The following APMAP variants were observed in gnomAD, a reference collection of about 807,000 sequenced individuals.
APMAP encodes adipocyte plasma membrane associated protein.
Under a neutral mutation model 43.6 loss-of-function variants are expected in APMAP, and 33 were observed. That is an observed-to-expected ratio of 0.76 (90% CI 0.57 to 1.01). APMAP has a LOEUF of 1.01. Ranked by LOEUF, APMAP falls within the 50% of genes least tolerant of loss-of-function variation. APMAP has a pLI of 0.00. For synonymous variants in APMAP, 224 were observed against 216.7 expected, an observed-to-expected ratio of 1.03 and a Z score of -0.30; for missense variants, 498 against 540.7, an observed-to-expected ratio of 0.92 and a Z score of 0.78.
At chr20:24,973,926 C>A (rs73114348) in intron 3 of APMAP, among the ~76,000 whole-genome samples, 189 bp from the exon 4 acceptor site, 1 of 152,122 alleles carries the variant, frequency 6.6e-6, no homozygotes, top group South Asian at 2.1e-4. Context: ...GATAAAACTG[C>A]GGGGGCCTAG....
Position 24,966,562 on chromosome 20 carries a change from G to C in APMAP, c.1041+2330C>G, listed in dbSNP as rs113648024. ...CGCCACTGCTGCCAACGATGCGAGAGCAGAATCTAAATATGAAAAACAAAC... is the reference window on the plus strand; with the variant it reads ...CGCCACTGCTGCCAACGATGCGAGACCAGAATCTAAATATGAAAAACAAAC... On this transcript the variant is annotated intron_variant, in intron 8 of 8. Coordinates refer to ENST00000217456, the MANE Select transcript of APMAP (RefSeq NM_020531.3). Among the ~76,000 whole-genome samples, 932 of 152,322 alleles carry C rather than the reference G, an allele frequency of 6.1e-3. 15 individuals carry two copies. The highest frequency in any genetic ancestry group is 0.022 in the African/African-American group (906 of 41,554).
At chr20:24,979,957 A>G (rs2088087221) in intron 2 of APMAP, among the ~76,000 whole-genome samples, 1 of 151,710 alleles carries the variant, frequency 6.6e-6, no homozygotes, top group Non-Finnish European at 1.5e-5. Flanking sequence ...CACTCTGACC[A>G]CCCAACTAAA....
intron 1 of APMAP, among the ~76,000 whole-genome samples, chr20:24,987,028 G>A (rs1339308644): frequency 6.6e-6 from 1 of 152,200 alleles, no homozygotes. Flanking sequence ...GTGTTTTCTA[G>A]GCCCATCTAA....
At chr20:24,967,348 C>T (rs1158421016) in intron 8 of APMAP, among the ~76,000 whole-genome samples, 2 of 152,182 alleles carry the variant, frequency 1.3e-5, no homozygotes, top group East Asian at 3.9e-4. Flanking sequence ...TTGAATAAAA[C>T]TGAACCTTCT....
Position 24,982,709 on chromosome 20 carries a change from C to G in APMAP, c.212+1194G>C, listed in dbSNP as rs574974640. On this transcript the variant is annotated intron_variant, in intron 2 of 8. Transcript: ENST00000217456. ...CAGCTGTGGACACAGTTCACTCCCC[C>G]ACCTTAGCCAACTGGACTATCTAAG... Among the ~76,000 whole-genome samples, 10 of 152,320 alleles carry G rather than the reference C, an allele frequency of 6.6e-5. No homozygotes were observed. In the East Asian group the frequency reaches 1.4e-3, roughly 21 times the overall value.
At chr20:24,974,796 T>G (rs2088036701) in intron 3 of APMAP, among the ~76,000 whole-genome samples, 1 of 152,106 alleles carries the variant, frequency 6.6e-6, no homozygotes, top group Admixed American at 6.5e-5. Context: ...CAAAAAAACA[T>G]AAGAACCTTT....
At chr20:24,989,791 T>C (rs2088176710) in intron 1 of APMAP, among the ~76,000 whole-genome samples, 1 of 152,208 alleles carries the variant, frequency 6.6e-6, no homozygotes, top group Non-Finnish European at 1.5e-5. Flanking sequence ...GGGGCAAAGC[T>C]GAGACAAACA....
chr20:24,981,624 A>C (rs886523634), intron 2 of APMAP, among the ~76,000 whole-genome samples: 7 of 152,208 alleles, frequency 4.6e-5, no homozygotes, highest in Admixed American at 1.3e-4. Context: ...ATTTTTTAAT[A>C]TCTCTCAGTT....
intron 3 of APMAP, among the ~76,000 whole-genome samples, chr20:24,975,131 G>GCCC (rs1306988404): frequency 4.6e-5 from 7 of 152,086 alleles, no homozygotes; most frequent in African/African-American, 1.7e-4. Flanking sequence ...AGGCAAAGAT[G>GCCC]CCCCTATCAC....
At chr20:24,989,849 C>A (rs2088177222) in intron 1 of APMAP, among the ~76,000 whole-genome samples, 1 of 152,318 alleles carries the variant, frequency 6.6e-6, no homozygotes, top group East Asian at 1.9e-4. Flanking sequence ...CAATCTGTTT[C>A]TCCATACTTC....
In APMAP at chr20:24,983,949, C is replaced by T. The variant is rs1253483613; in HGVS notation, c.166G>A (p.Gly56Arg). 1.9e-6 allele frequency: 3 copies of T among 1,614,018 alleles called. No individual in the cohort carries two copies. The highest frequency in any genetic ancestry group is 1.1e-5 in the South Asian group (1 of 91,070). ...GGAGATTCCAGCAGCATCATGGCTCCAAGCAGGGGAACGGTGAGAGAAACA... is the reference window on the plus strand; with the variant it reads ...GGAGATTCCAGCAGCATCATGGCTCTAAGCAGGGGAACGGTGAGAGAAACA... ...LAVSLTVPLL[G>R]AMMLLESPID... The change falls in exon 2 of 9, where the codon GGA becomes AGA. Residue 56 changes from glycine (G) to arginine (R), a missense_variant. Physicochemically the swap from Gly to Arg is moderately radical, Grantham distance 125 (BLOSUM62 -2). Transcript: ENST00000217456.
intron 3 of APMAP, 120 bp downstream of exon 3, chr20:24,978,644 TAAG>T (rs2088071470): frequency 2.7e-6 from 2 of 748,412 alleles, no homozygotes; most frequent in Admixed American, 4.9e-5. Flanking sequence ...CGTCCGCAGC[TAAG>T]AAGGATGTGC....
chr20:24,990,998 T>A (rs1433629469), intron 1 of APMAP, among the ~76,000 whole-genome samples: 1 of 152,164 alleles, frequency 6.6e-6, no homozygotes, highest in Non-Finnish European at 1.5e-5. Flanking sequence ...CAGTAAAAGA[T>A]GACTTTAGAA....
rs554631090 is a variant in APMAP at position 24,983,951 on chromosome 20, A to C, written c.164T>G (p.Leu55Arg). The change falls in exon 2 of 9, where the codon CTT becomes CGT. Residue 55 changes from leucine to arginine, a missense_variant. Coordinates refer to ENST00000217456, the MANE Select transcript of APMAP (RefSeq NM_020531.3). ...MLAVSLTVPLLGAMMLLESPI... is the reference protein window; with the variant it reads ...MLAVSLTVPLRGAMMLLESPI... ...AGATTCCAGCAGCATCATGGCTCCA[A>C]GCAGGGGAACGGTGAGAGAAACAGC... 6.2e-7 allele frequency: 1 copy of C among 1,614,106 alleles called. No homozygotes were observed. The highest frequency in any genetic ancestry group is 1.3e-5 in the African/African-American group (1 of 75,060).
At chr20:24,982,784 A>G (rs1411636568) in intron 2 of APMAP, among the ~76,000 whole-genome samples, 1 of 152,142 alleles carries the variant, frequency 6.6e-6, no homozygotes, top group Non-Finnish European at 1.5e-5. Context: ...CCTGCTCTGT[A>G]AAGAAGGGTT....
chr20:24,973,824 C>A, intron 3 of APMAP, 87 bp from the exon 4 acceptor site: 2 of 1,130,006 alleles, frequency 1.8e-6, no homozygotes, highest in East Asian at 2.5e-5. Context: ...GGCTTGTTTA[C>A]ATGTTCCCCC....
intron 3 of APMAP, among the ~76,000 whole-genome samples, chr20:24,978,366 T>C (rs183824601): frequency 5.3e-4 from 80 of 152,342 alleles, no homozygotes; most frequent in African/African-American, 1.8e-3. Context: ...TTGAGAACCA[T>C]TTGTCTTCAT....
chr20:24,965,634 C>A (rs547954354), intron 8 of APMAP, among the ~76,000 whole-genome samples: 4 of 152,346 alleles, frequency 2.6e-5, no homozygotes, highest in African/African-American at 9.6e-5. Context: ...AGGAGGTGTA[C>A]ACCCAGGGAC....
At position 24,992,741 on chromosome 20, in the gene APMAP, G is replaced by C; in HGVS notation, c.-53C>G. ...AACCACCTCACACTGAGCGGCGCCG[G>C]CTCAGACTCCAGGCCCGCCCTCCCC... On this transcript the variant is annotated 5_prime_UTR_variant, in exon 1 of 9. Coordinates refer to ENST00000217456, the MANE Select transcript of APMAP (RefSeq NM_020531.3). 1 of 1,365,986 alleles carries C rather than the reference G, an allele frequency of 7.3e-7. No homozygotes were observed. Among genetic ancestry groups the C allele is most frequent in the Non-Finnish European group, 9.7e-7 (1 of 1,031,552 alleles). 84.6% of individuals were successfully genotyped at this position (1,365,986 alleles called of 1,614,324 possible).
Sources: allele counts gnomAD v4.1 joint callset (sites outside exome capture counted in the v4.1 genomes callset), GRCh38; gene constraint gnomAD v4.1.1; transcripts MANE v1.5; gene names NCBI Gene and HGNC (gene_info 2026-07-23, HGNC 2026-07-21).